FOXO3: variants seen among roughly 807,000 people sequenced by gnomAD.
FOXO3 encodes the protein forkhead box O3.
A neutral mutation model predicts 41.9 loss-of-function variants in FOXO3; 4 were observed. That is an observed-to-expected ratio of 0.10 (90% confidence interval 0.05 to 0.22). The LOEUF is 0.22. Ranked by LOEUF, FOXO3 falls within the 10% of genes least tolerant of loss-of-function variation. FOXO3 has a pLI of 1.00. For missense variants in FOXO3, 534 were observed against 906.8 expected, an observed-to-expected ratio of 0.59 and a Z score of 5.28; for synonymous variants, 318 against 389.3, an observed-to-expected ratio of 0.82 and a Z score of 2.16.
chr6:108,663,867 C>T lies in FOXO3; in HGVS notation c.1034C>T (p.Pro345Leu), dbSNP rs753859063. The change falls in exon 2 of 3, where the codon CCC becomes CTC. Residue 345 changes from proline (P) to leucine (L), a missense_variant. Coordinates refer to ENST00000406360, the MANE Select transcript of FOXO3 (RefSeq NM_001455.4). Reference sequence around the variant, plus strand: ...CAGGACGATGATGCGCCTCTCTCGCCCATGCTCTACAGCAGCTCAGCCAGC... The same window carrying T: ...CAGGACGATGATGCGCCTCTCTCGCTCATGCTCTACAGCAGCTCAGCCAGC... Reference protein sequence around the residue: ...EVQDDDAPLSPMLYSSSASLS... With the variant: ...EVQDDDAPLSLMLYSSSASLS... 1.9e-5 allele frequency: 31 copies of T among 1,613,968 alleles called. No individual in the cohort carries two copies. In the Admixed American group the frequency reaches 2.8e-4, roughly 15 times the overall value.
intron 1 of FOXO3, among the ~76,000 whole-genome samples, chr6:108,620,085 C>T (rs953851237): frequency 1.3e-5 from 2 of 152,136 alleles, no homozygotes; most frequent in Non-Finnish European, 2.9e-5. Flanking sequence ...AATTCCTTGG[C>T]CAAGAGCATG....
At chr6:108,649,317 T>C (rs556277570) in intron 1 of FOXO3, among the ~76,000 whole-genome samples, 1 of 152,206 alleles carries the variant, frequency 6.6e-6, no homozygotes, top group South Asian at 2.1e-4. Context: ...ACACTATGAC[T>C]ACCTTTCAAG....
intron 2 of FOXO3, among the ~76,000 whole-genome samples, chr6:108,665,898 T>C (rs1779044871): frequency 6.6e-6 from 1 of 151,922 alleles, no homozygotes; most frequent in Non-Finnish European, 1.5e-5. Flanking sequence ...TTCTGCTTGT[T>C]CACCAAACTA....
At chr6:108,633,998 T>G (rs1380014466) in intron 1 of FOXO3, among the ~76,000 whole-genome samples, 1 of 152,204 alleles carries the variant, frequency 6.6e-6, no homozygotes, top group African/African-American at 2.4e-5. Flanking sequence ...CTTCTTTACA[T>G]GGAACTGGTC....
At chr6:108,605,871 A>G (rs932893632) in intron 1 of FOXO3, among the ~76,000 whole-genome samples, 1 of 152,232 alleles carries the variant, frequency 6.6e-6, no homozygotes, top group African/African-American at 2.4e-5. Flanking sequence ...TGAAGGGAGA[A>G]GTCACAAGAT....
At chr6:108,603,251 A>C (rs747166013) in intron 1 of FOXO3, among the ~76,000 whole-genome samples, 1 of 152,236 alleles carries the variant, frequency 6.6e-6, no homozygotes, top group Non-Finnish European at 1.5e-5. Context: ...CTGGTGCTGA[A>C]TTAGTGTCCT....
intron 1 of FOXO3, among the ~76,000 whole-genome samples, chr6:108,567,564 A>G (rs1775979244): frequency 6.6e-6 from 1 of 152,206 alleles, no homozygotes; most frequent in Non-Finnish European, 1.5e-5. Context: ...GAAACATGCT[A>G]GGACTATGTG....
chr6:108,565,361 T>C (rs549298027), intron 1 of FOXO3, among the ~76,000 whole-genome samples: 33 of 152,278 alleles, frequency 2.2e-4, no homozygotes, highest in African/African-American at 7.5e-4. Flanking sequence ...AACAATCAGA[T>C]GTGGTTAAGA....
Position 108,561,115 on chromosome 6 carries a change from C to A in FOXO3, c.-94C>A, listed in dbSNP as rs1023785843. On this transcript the variant is annotated 5_prime_UTR_variant, in exon 1 of 3. Coordinates refer to ENST00000406360, the MANE Select transcript of FOXO3 (RefSeq NM_001455.4). ...CGGCGGCGGCGCCCGGGAGCCGGAG[C>A]CTTCGCGGCGTCCACGTCCCTCCCC... is the stretch of plus-strand genomic sequence containing the variant. 7.0e-7 allele frequency: 1 copy of A among 1,435,392 alleles called. No individual in the cohort carries two copies. The highest frequency in any genetic ancestry group is 3.0e-5 in the East Asian group (1 of 33,268). 88.9% of individuals were successfully genotyped at this position (1,435,392 alleles called of 1,614,324 possible). A position where few individuals can be genotyped will look rare whatever the true frequency, so the allele number is the denominator to read the frequency against.
rs1258177915 is a variant in FOXO3 at position 108,681,271 on chromosome 6, T to C, written c.*1479T>C. ...CTTCTCCAAAGTGATATATGAAGAC[T>C]CTTTTCTTTGCATAAAAAGCATTAG... On this transcript the variant is annotated 3_prime_UTR_variant, in exon 3 of 3. Transcript: ENST00000406360. The C allele has an allele frequency of 1.3e-5, 2 of 152,720 alleles. No homozygotes were observed. Among genetic ancestry groups the C allele is most frequent in the Admixed American group, 1.3e-4 (2 of 15,290 alleles). The allele number at this position is 152,720 out of a possible 1,614,324, so 9.5% of individuals were successfully genotyped here.
intron 1 of FOXO3, among the ~76,000 whole-genome samples, chr6:108,661,030 A>G (rs1165768067): frequency 4.6e-5 from 7 of 152,158 alleles, no homozygotes; most frequent in African/African-American, 1.4e-4. Flanking sequence ...ACTGCACTCC[A>G]ACCTGGGCAA....
chr6:108,560,281 T>G, upstream of FOXO3, among the ~76,000 whole-genome samples: 1 of 152,260 alleles, frequency 6.6e-6, no homozygotes, highest in Middle Eastern at 3.4e-3. Flanking sequence ...AGATTTATGT[T>G]CCGACTCGCT....
chr6:108,579,632 A>C (rs879541361), intron 1 of FOXO3, among the ~76,000 whole-genome samples: 2 of 152,112 alleles, frequency 1.3e-5, no homozygotes, highest in Non-Finnish European at 2.9e-5. Flanking sequence ...TTGCTCATCC[A>C]TTTTGGTTTT....
chr6:108,666,523 TTAG>T (rs1779066881), intron 2 of FOXO3, among the ~76,000 whole-genome samples: 1 of 151,564 alleles, frequency 6.6e-6, no homozygotes, highest in Non-Finnish European at 1.5e-5. Context: ...TTTTTAATTT[TTAG>T]TAGAGATGGG....
intron 1 of FOXO3, among the ~76,000 whole-genome samples, chr6:108,638,909 A>G (rs1778183416): frequency 6.6e-6 from 1 of 152,164 alleles, no homozygotes; most frequent in South Asian, 2.1e-4. Flanking sequence ...AATAAAATCT[A>G]CAGTCAGAAA....
chr6:108,674,463 G>A (rs371387672), intron 2 of FOXO3, among the ~76,000 whole-genome samples: 1 of 152,318 alleles, frequency 6.6e-6, no homozygotes, highest in East Asian at 1.9e-4. Context: ...CTCCATAAGT[G>A]TTTGATTTGA....
chr6:108,643,930 A>G lies in FOXO3; in HGVS notation c.622-19525A>G, dbSNP rs547472013. Among the ~76,000 whole-genome samples the G allele has an allele frequency of 4.6e-5, 7 of 152,328 alleles. No individual in the cohort carries two copies. In the South Asian group the frequency reaches 6.2e-4, roughly 14 times the overall value. ...CAAAATCTGTATTCTAGAATGTACC[A>G]TCCCCAAGATAGTAAGTATTTTTGC... On this transcript the variant is annotated intron_variant, in intron 1 of 2. Transcript: ENST00000406360.
chr6:108,637,792 T>C lies in FOXO3; in HGVS notation c.622-25663T>C, dbSNP rs1015176994. 3.7e-4 allele frequency among the ~76,000 whole-genome samples: 56 copies of C among 152,294 alleles called. 1 individual carries two copies. Among genetic ancestry groups the C allele is most frequent in the Admixed American group, 3.3e-3 (50 of 15,294 alleles). ...TCCCCTGTAGTTAATATTGTCCTCA[T>C]TTAAAATTTTTTTCCCTTCAGTTGA... is the stretch of plus-strand genomic sequence containing the variant. On this transcript the variant is annotated intron_variant, in intron 1 of 2. Coordinates refer to ENST00000406360, the MANE Select transcript of FOXO3 (RefSeq NM_001455.4).
rs115719875 is a variant in FOXO3 at position 108,617,109 on chromosome 6, G to A, written c.622-46346G>A. Among the ~76,000 whole-genome samples, 996 of 152,216 alleles carry A rather than the reference G, an allele frequency of 6.5e-3. 21 individuals carry two copies. The highest frequency in any genetic ancestry group is 0.047 in the South Asian group (228 of 4,826). On this transcript the variant is annotated intron_variant, in intron 1 of 2. Transcript: ENST00000406360. ...GAACATTTGTTACCAGTTTTTATGT[G>A]GACATATTATTTTAATGTCTTTGGG... is the stretch of plus-strand genomic sequence containing the variant.
Sources: allele counts gnomAD v4.1 joint callset (sites outside exome capture counted in the v4.1 genomes callset), GRCh38; gene constraint gnomAD v4.1.1; transcripts MANE v1.5; gene names NCBI Gene and HGNC (gene_info 2026-07-23, HGNC 2026-07-21).